Variants in RTP2 observed in about 807,000 individuals in gnomAD.
The protein encoded by RTP2 is receptor transporter protein 2.
RTP2 carries 12 observed loss-of-function variants against 17.9 expected under a neutral mutation model. The observed-to-expected ratio is 0.67, with a 90% CI of 0.43 to 1.09. The LOEUF (loss-of-function observed/expected upper bound fraction) is 1.09, where lower values mean the gene tolerates loss of function less well. RTP2 is among the 50% of genes least tolerant of loss of function. The pLI, the probability that RTP2 is intolerant of heterozygous loss-of-function variation, is 0.00. For synonymous variants in RTP2, 126 were observed against 117.7 expected (o/e 1.07, Z -0.46); for missense variants, 327 against 295.7 (o/e 1.11, Z -0.78).
upstream of RTP2, among the ~76,000 whole-genome samples, chr3:187,704,043 G>A (rs781054111): frequency 8.5e-5 from 13 of 152,076 alleles, no homozygotes; most frequent in Non-Finnish European, 1.9e-4. Flanking sequence ...CAGAACCCAC[G>A]ATTTAAGAGC....
At chr3:187,710,594 A>G in the RTP2 span, among the ~76,000 whole-genome samples, 1 of 149,878 alleles carries the variant, frequency 6.7e-6, no homozygotes, top group African/African-American at 2.5e-5. Flanking sequence ...ATGTGTGTAT[A>G]TATTACCTAA....
chr3:187,702,257 C>T, exon 1 of RTP2: 1 of 883,016 alleles, frequency 1.1e-6, no homozygotes, highest in Non-Finnish European at 1.8e-6. Context: ...GTAAACAGGA[C>T]CCAGCTCCCT....
rs1335174496 is a variant in RTP2 at position 187,702,362 on chromosome 3, G to A, written c.-234C>T. 8 of 564,602 alleles carry A rather than the reference G, an allele frequency of 1.4e-5. No homozygotes were observed. In the Admixed American group the frequency reaches 1.5e-4, roughly 11 times the overall value. The allele number at this position is 564,602 out of a possible 1,614,324, so 35.0% of individuals were successfully genotyped here. On this transcript the variant is annotated 5_prime_UTR_variant, in exon 1 of 2. Coordinates refer to ENST00000358241, the Ensembl canonical transcript of RTP2. ...GGAAGCCCCAAGGGGGAGTTTCAGGGCCCTGAGTTAGGCTTCAGAGGCAGC... is the reference window on the plus strand; with the variant it reads ...GGAAGCCCCAAGGGGGAGTTTCAGGACCCTGAGTTAGGCTTCAGAGGCAGC...
At chr3:187,712,269 G>A in the RTP2 span, among the ~76,000 whole-genome samples, 1 of 152,150 alleles carries the variant, frequency 6.6e-6, no homozygotes, top group Non-Finnish European at 1.5e-5. Context: ...ACTTGCAGAA[G>A]GGTACACAGG....
chr3:187,698,435 G>A (rs1487316985), exon 2 of RTP2: 1 of 1,433,198 alleles, frequency 7.0e-7, no homozygotes, highest in East Asian at 2.4e-5. Context: ...GCAGGATCAA[G>A]TCCAGACTGT....
chr3:187,703,679 A>C (rs993801212), upstream of RTP2, among the ~76,000 whole-genome samples: 1 of 152,198 alleles, frequency 6.6e-6, no homozygotes, highest in Non-Finnish European at 1.5e-5. Context: ...GGTGAGACAG[A>C]GGGATCCATG....
the RTP2 span, among the ~76,000 whole-genome samples, chr3:187,709,288 G>A: frequency 6.6e-6 from 1 of 152,082 alleles, no homozygotes; most frequent in African/African-American, 2.4e-5. Flanking sequence ...CACAGATTCG[G>A]AGCTTGTTTG....
At chr3:187,706,255 G>A (rs928087227), upstream of RTP2, among the ~76,000 whole-genome samples, 48 of 152,120 alleles carry the variant, frequency 3.2e-4, no homozygotes, top group African/African-American at 1.0e-3. Flanking sequence ...TATGTTAAAC[G>A]AAGATGTTTT....
At chr3:187,709,964 T>C in the RTP2 span, among the ~76,000 whole-genome samples, 1 of 152,128 alleles carries the variant, frequency 6.6e-6, no homozygotes, top group Admixed American at 6.5e-5. Flanking sequence ...CAAGAGGTGC[T>C]CAAATATCTG....
chr3:187,703,666 C>A (rs967578237), upstream of RTP2, among the ~76,000 whole-genome samples: 3 of 152,130 alleles, frequency 2.0e-5, no homozygotes, highest in Admixed American at 2.0e-4. Flanking sequence ...AGTTACCAGA[C>A]CAGGTGAGAC....
the RTP2 span, among the ~76,000 whole-genome samples, chr3:187,712,252 G>A: frequency 6.6e-6 from 1 of 152,274 alleles, no homozygotes; most frequent in East Asian, 1.9e-4. Context: ...CCTTACCATT[G>A]AGGGAAACTT....
intron 1 of RTP2, among the ~76,000 whole-genome samples, chr3:187,699,775 A>ATATTTT (rs1717798157): frequency 4.6e-5 from 1 of 21,734 alleles, no homozygotes. Flanking sequence ...ACACACACAC[A>ATATTTT]CACACACATA....
chr3:187,702,309 G>A (rs1717873539), exon 1 of RTP2: 1 of 629,362 alleles, frequency 1.6e-6, no homozygotes, highest in Non-Finnish European at 2.8e-6. Flanking sequence ...AGCCAGGCAG[G>A]GCACCAAGAG....
At position 187,698,996 on chromosome 3, in the gene RTP2, C is replaced by T. The variant is rs764051652; in HGVS notation, c.180G>A (p.Trp60Ter). Reference sequence around the variant, plus strand: ...GGGCAGACTGCCAGGTGTGCCAGCACCAGGAGCAGTGGAACCTGCCGGGAG... The same window carrying T: ...GGGCAGACTGCCAGGTGTGCCAGCATCAGGAGCAGTGGAACCTGCCGGGAG... Residue 60 changes from tryptophan to a stop codon, truncating the protein, a stop_gained, in exon 2 of 2, where the codon TGG (tryptophan) becomes TGA (stop). Coordinates refer to ENST00000358241, the Ensembl canonical transcript of RTP2. LOFTEE classifies it high-confidence loss of function. The T allele has an allele frequency of 9.5e-6, 15 of 1,586,706 alleles. No individual in the cohort carries two copies. Among genetic ancestry groups the T allele is most frequent in the Admixed American group, 1.7e-5 (1 of 59,036 alleles).
upstream of RTP2, among the ~76,000 whole-genome samples, chr3:187,704,837 G>A (rs560803917): frequency 1.3e-5 from 2 of 152,258 alleles, no homozygotes; most frequent in East Asian, 3.9e-4. Context: ...TGAATCTCAG[G>A]GGAGGCCACA....
chr3:187,714,696 C>G, the RTP2 span, among the ~76,000 whole-genome samples: 8 of 152,156 alleles, frequency 5.3e-5, no homozygotes, highest in Non-Finnish European at 1.2e-4. Flanking sequence ...ACTCAACAAA[C>G]CTGTACAGAC....
At chr3:187,715,286 C>A in the RTP2 span, among the ~76,000 whole-genome samples, 2 of 152,210 alleles carry the variant, frequency 1.3e-5, no homozygotes, top group African/African-American at 4.8e-5. Flanking sequence ...CTTAAATCAC[C>A]TTCAGTGATG....
exon 1 of RTP2, chr3:187,702,318 A>G (rs1717873670): frequency 1.6e-6 from 1 of 613,068 alleles, no homozygotes; most frequent in Non-Finnish European, 2.9e-6. Flanking sequence ...GGGCACCAAG[A>G]GTGAGGGCTG....
chr3:187,701,482 T>C (rs1007788363), intron 1 of RTP2, among the ~76,000 whole-genome samples: 4 of 152,254 alleles, frequency 2.6e-5, no homozygotes, highest in African/African-American at 9.6e-5. Flanking sequence ...ACAAGGCTAC[T>C]TAGCTATATA....
Sources: gnomAD v4.1 joint callset for allele counts (sites outside exome capture counted in the v4.1 genomes callset) on GRCh38, gnomAD v4.1.1 for gene constraint, MANE v1.5 for transcripts, NCBI Gene and HGNC (gene_info 2026-07-23, HGNC 2026-07-21) for gene names.